The following PTCD3 variants were observed in gnomAD, a reference collection of about 807,000 sequenced individuals.
PTCD3 encodes the protein small ribosomal subunit protein mS39.
PTCD3 carries 89 observed loss-of-function variants against 101.9 expected under a neutral mutation model. The ratio of observed to expected loss-of-function variants is 0.87; its 90% CI spans 0.74 to 1.04. The LOEUF (loss-of-function observed/expected upper bound fraction) is 1.04. Ranked by LOEUF, PTCD3 falls within the 50% of genes least tolerant of loss-of-function variation. The pLI is 0.00. For synonymous variants in PTCD3, 296 were observed against 278.5 expected (o/e 1.06, Z -0.63); for missense variants, 870 against 828.2 (o/e 1.05, Z -0.62).
chr2:86,108,850 G>C (rs776293869), intron 3 of PTCD3: 7 of 259,360 alleles, frequency 2.7e-5, no homozygotes, highest in Non-Finnish European at 4.3e-5. Flanking sequence ...TTTCAAGGAA[G>C]TTCTCTCATA....
rs142100763 is a variant in PTCD3, at chr2:86,130,495, G to T, written c.1148-153G>T. 8.7e-4 allele frequency among the ~76,000 whole-genome samples: 133 copies of T among 152,296 alleles called. 1 individual carries two copies. In the East Asian group the frequency reaches 9.1e-3, roughly 10 times the overall value. On this transcript the variant is annotated intron_variant, in intron 14 of 23. Coordinates refer to ENST00000254630, the MANE Select transcript of PTCD3 (RefSeq NM_017952.6). ...GAATTGCTCTCTGCAGGGTATAGTG[G>T]TTCCTTTAGCAAGCATTGGCCTCCA...
At chr2:86,130,612 A>T (rs761403726) in intron 14 of PTCD3, 36 bp from the exon 15 acceptor site, 1 of 1,595,766 alleles carries the variant, frequency 6.3e-7, no homozygotes, top group Non-Finnish European at 8.5e-7. Flanking sequence ...GTGGTAAAGG[A>T]AGTGGATTAA....
At chr2:86,120,928 G>A (rs1435050153) in intron 7 of PTCD3, among the ~76,000 whole-genome samples, 1 of 152,190 alleles carries the variant, frequency 6.6e-6, no homozygotes, top group Non-Finnish European at 1.5e-5. Flanking sequence ...TTATAAGATA[G>A]CAGATTATAT....
At chr2:86,126,901 T>A (rs1674406044) in intron 12 of PTCD3, among the ~76,000 whole-genome samples, 2 of 152,186 alleles carry the variant, frequency 1.3e-5, no homozygotes, top group Admixed American at 1.3e-4. Context: ...GCGTCTTTTC[T>A]TGGAAAACTC....
chr2:86,114,624 C>G (rs953793399), intron 4 of PTCD3, among the ~76,000 whole-genome samples: 1 of 152,162 alleles, frequency 6.6e-6, no homozygotes, highest in Non-Finnish European at 1.5e-5. Flanking sequence ...CCCATTCCCT[C>G]CAAACATTCC....
intron 21 of PTCD3, 160 bp downstream of exon 21, chr2:86,135,147 G>T (rs939050726): frequency 2.9e-6 from 2 of 691,054 alleles, no homozygotes; most frequent in Non-Finnish European, 4.7e-6. Context: ...GAAGAAGACA[G>T]TATGCATGAT....
chr2:86,108,498 A>G lies in PTCD3; in HGVS notation c.158-2A>G. ...TGATTCATGTTTTCTTTTTTACATTAGGGATTGAAGAAGTAGTAATTCCAA... is the reference window on the plus strand; with the variant it reads ...TGATTCATGTTTTCTTTTTTACATTGGGGATTGAAGAAGTAGTAATTCCAA... On this transcript the variant is annotated splice_acceptor_variant, in intron 2 of 23. Coordinates refer to ENST00000254630, the MANE Select transcript of PTCD3 (RefSeq NM_017952.6). LOFTEE classifies it high-confidence loss of function. The G allele has an allele frequency of 1.9e-6, 3 of 1,594,420 alleles. No homozygotes were observed. The highest frequency in any genetic ancestry group is 2.6e-6 in the Non-Finnish European group (3 of 1,174,638).
In PTCD3 at chr2:86,139,287, G is replaced by A. The variant is rs1457254836; in HGVS notation, c.*1728G>A. On this transcript the variant is annotated 3_prime_UTR_variant, in exon 24 of 24. Coordinates refer to ENST00000254630, the MANE Select transcript of PTCD3 (RefSeq NM_017952.6). Reference sequence around the variant, plus strand: ...AGGCAGAGGTGGGAGGATCACTTAGGTCCAGGAGTTCGAGACTAGCCTGGG... The same window carrying A: ...AGGCAGAGGTGGGAGGATCACTTAGATCCAGGAGTTCGAGACTAGCCTGGG... 6.6e-6 allele frequency: 1 copy of A among 152,210 alleles called. No individual in the cohort carries two copies. Among genetic ancestry groups the A allele is most frequent in the African/African-American group, 2.4e-5 (1 of 41,432 alleles). 9.4% of individuals were successfully genotyped at this position (152,210 alleles called of 1,614,324 possible).
At chr2:86,113,928 C>T (rs958437797) in intron 4 of PTCD3, among the ~76,000 whole-genome samples, 1 of 152,166 alleles carries the variant, frequency 6.6e-6, no homozygotes, top group African/African-American at 2.4e-5. Flanking sequence ...TCCCTACTTG[C>T]AAAGCATTGA....
intron 22 of PTCD3, 82 bp from the exon 23 acceptor site, chr2:86,136,900 T>TA: frequency 6.7e-7 from 1 of 1,499,052 alleles, no homozygotes; most frequent in Non-Finnish European, 9.2e-7. Flanking sequence ...GGAATTCTGT[T>TA]ACTGAACTTA....
Position 86,116,539 on chromosome 2 carries a change from G to A in PTCD3, c.250G>A (p.Ala84Thr), listed in dbSNP as rs757134491. Residue 84 changes from alanine to threonine, a missense_variant, in exon 5 of 24, where the codon GCT becomes ACT. Transcript: ENST00000254630. ...LASTVNRDTT[A>T]VPYVFQDDPY... Reference sequence around the variant, plus strand: ...TATGTCTTTTCCACAGGATACCACAGCTGTGCCTTATGTGTTTCAAGATGA... The same window carrying A: ...TATGTCTTTTCCACAGGATACCACAACTGTGCCTTATGTGTTTCAAGATGA... 1 of 1,608,698 alleles carries A rather than the reference G, an allele frequency of 6.2e-7. No homozygotes were observed. Among genetic ancestry groups the A allele is most frequent in the Non-Finnish European group, 8.5e-7 (1 of 1,175,126 alleles).
At chr2:86,110,961 T>G (rs1674066911) in intron 3 of PTCD3, 152 bp from the exon 4 acceptor site, 1 of 797,932 alleles carries the variant, frequency 1.3e-6, no homozygotes, top group African/African-American at 1.7e-5. Context: ...GTTTTCTTAA[T>G]TTCTAATTTA....
At position 86,137,788 on chromosome 2, in the gene PTCD3, G is replaced by C; in HGVS notation, c.*229G>C. On this transcript the variant is annotated 3_prime_UTR_variant, in exon 24 of 24. Coordinates refer to ENST00000254630, the MANE Select transcript of PTCD3 (RefSeq NM_017952.6). ...CCATTAAAGGCTTAGCATTTAAGTA[G>C]CAACATTGCGGTTTTCAGACACATG... The C allele has an allele frequency of 2.1e-6, 1 of 485,148 alleles. No homozygotes were observed. Among genetic ancestry groups the C allele is most frequent in the Non-Finnish European group, 3.6e-6 (1 of 276,138 alleles). 30.1% of individuals were successfully genotyped at this position (485,148 alleles called of 1,614,324 possible).
Position 86,121,586 on chromosome 2 carries a change from G to A in PTCD3, c.646G>A (p.Glu216Lys), listed in dbSNP as rs777732390. ...DYHFQQTGQS[E>K]ALEEENDETS... ...CCATTTTCAACAAACTGGACAGTCA[G>A]AAGCATTGGTAATAACTGTTGGCCT... The change falls in exon 8 of 24, where the codon GAA (glutamate) becomes AAA (lysine). Residue 216 changes from glutamate to lysine, a missense_variant. Physicochemically the swap from Glu to Lys is moderately conservative, Grantham distance 56. Coordinates refer to ENST00000254630, the MANE Select transcript of PTCD3 (RefSeq NM_017952.6). 7 of 1,593,912 alleles carry A rather than the reference G, an allele frequency of 4.4e-6. No homozygotes were observed. Among genetic ancestry groups the A allele is most frequent in the Non-Finnish European group, 6.0e-6 (7 of 1,168,966 alleles).
chr2:86,128,989 G>A (rs1573856505), intron 14 of PTCD3, among the ~76,000 whole-genome samples: 1 of 152,328 alleles, frequency 6.6e-6, no homozygotes, highest in East Asian at 1.9e-4. Flanking sequence ...CTTTCTTGTG[G>A]ATAGACTATA....
intron 22 of PTCD3, 171 bp from the exon 23 acceptor site, chr2:86,136,811 C>T (rs1389768982): frequency 1.1e-6 from 1 of 890,376 alleles, no homozygotes. Context: ...ATCCATTTGG[C>T]CCTTTAGACT....
intron 1 of PTCD3, among the ~76,000 whole-genome samples, chr2:86,106,692 C>T (rs1016578514): frequency 1.3e-5 from 2 of 152,166 alleles, no homozygotes; most frequent in Non-Finnish European, 2.9e-5. Context: ...CATTTTAACC[C>T]AATCAGGAGG....
At chr2:86,132,622 G>GTTTTT (rs11333311) in intron 17 of PTCD3, 198 bp downstream of exon 17, 3 of 218,658 alleles carry the variant, frequency 1.4e-5, no homozygotes, top group South Asian at 1.3e-4. Context: ...TCCTTTAAGG[G>GTTTTT]TTTTTTTTTT....
intron 9 of PTCD3, among the ~76,000 whole-genome samples, chr2:86,124,517 C>T (rs1039194999): frequency 6.6e-6 from 1 of 151,950 alleles, no homozygotes; most frequent in African/African-American, 2.4e-5. Context: ...TCCAGCTACT[C>T]GAGAGGTGGA....
Sources: gnomAD v4.1 joint callset for allele counts (sites outside exome capture counted in the v4.1 genomes callset) on GRCh38, gnomAD v4.1.1 for gene constraint, MANE v1.5 for transcripts, NCBI Gene and HGNC (gene_info 2026-07-23, HGNC 2026-07-21) for gene names.